Variants in POLG2 observed in about 807,000 individuals in gnomAD.
POLG2 encodes the protein DNA polymerase subunit gamma-2.
Under a neutral mutation model 56.5 loss-of-function variants are expected in POLG2, and 50 were observed. The ratio of observed to expected loss-of-function variants is 0.88; its 90% CI spans 0.71 to 1.12. The LOEUF is 1.12. Among genes scored for constraint, POLG2 ranks in the 50% most tolerant of loss-of-function variants. The pLI is 0.00. For missense variants in POLG2, 584 were observed against 583.3 expected, an observed-to-expected ratio of 1.00 and a Z score of -0.01; for synonymous variants, 226 against 222.6, an observed-to-expected ratio of 1.02 and a Z score of -0.14.
intron 4 of POLG2, among the ~76,000 whole-genome samples, chr17:64,489,104 A>T (rs1482868969): frequency 1.3e-5 from 2 of 148,604 alleles, no homozygotes; most frequent in Non-Finnish European, 3.0e-5. Flanking sequence ...TGGCTCACTG[A>T]TGATCCTGGA....
chr17:64,486,138 CCA>C (rs1172600635), intron 4 of POLG2, among the ~76,000 whole-genome samples: 1 of 152,134 alleles, frequency 6.6e-6, no homozygotes, highest in Non-Finnish European at 1.5e-5. Context: ...GGCACTGGGC[CCA>C]CGAAGACGAT....
rs181865992 is a variant in POLG2, at chr17:64,483,543, A to T, written c.1111-544T>A. Among the ~76,000 whole-genome samples the T allele has an allele frequency of 5.4e-5, 8 of 149,032 alleles. No homozygotes were observed. In the East Asian group the frequency reaches 1.4e-3, roughly 26 times the overall value. On this transcript the variant is annotated intron_variant, in intron 5 of 7. Coordinates refer to ENST00000539111, the MANE Select transcript of POLG2 (RefSeq NM_007215.4). ...AAAAAAAAAAACAAATTAACTTGAGACCCTCCCATTTTCTGACAACTCCCT... is the reference window on the plus strand; with the variant it reads ...AAAAAAAAAAACAAATTAACTTGAGTCCCTCCCATTTTCTGACAACTCCCT...
intron 6 of POLG2, among the ~76,000 whole-genome samples, chr17:64,482,278 A>G (rs2037874313): frequency 6.9e-6 from 1 of 145,232 alleles, no homozygotes; most frequent in African/African-American, 2.6e-5. Flanking sequence ...TAATTTTTGT[A>G]TTTTCAGTAG....
At chr17:64,479,757 G>A (rs1365772192) in intron 7 of POLG2, among the ~76,000 whole-genome samples, 1 of 152,146 alleles carries the variant, frequency 6.6e-6, no homozygotes, top group Non-Finnish European at 1.5e-5. Context: ...GATACATTTA[G>A]GAAGCAAGCT....
intron 6 of POLG2, among the ~76,000 whole-genome samples, chr17:64,482,446 T>C (rs1219360137): frequency 6.6e-6 from 1 of 151,902 alleles, no homozygotes; most frequent in Non-Finnish European, 1.5e-5. Flanking sequence ...CTTAGCCTCC[T>C]GAGTATCTGG....
chr17:64,485,259 T>C (rs1462608553), intron 5 of POLG2: 2 of 169,066 alleles, frequency 1.2e-5, no homozygotes, highest in African/African-American at 4.8e-5. Flanking sequence ...TCCAAGTGCA[T>C]GTTCATGCAC....
At chr17:64,487,830 C>T (rs1320072699) in intron 4 of POLG2, among the ~76,000 whole-genome samples, 1 of 151,878 alleles carries the variant, frequency 6.6e-6, no homozygotes, top group Admixed American at 6.6e-5. Context: ...GGCAAGATCC[C>T]ATCCCTATTT....
chr17:64,485,794 G>A lies in POLG2; in HGVS notation c.1044C>T (p.Ala348=), dbSNP rs782373458. The A allele has an allele frequency of 3.7e-6, 6 of 1,611,424 alleles. No homozygotes were observed. Among genetic ancestry groups the A allele is most frequent in the Non-Finnish European group, 5.1e-6 (6 of 1,177,518 alleles). The change falls in exon 5 of 8, where the codon GCC becomes GCT. Residue 348 remains alanine, a synonymous_variant. Coordinates refer to ENST00000539111, the MANE Select transcript of POLG2 (RefSeq NM_007215.4). ...TCAGCTGGAAAGAATCATAGAGGTA[G>A]GCCAGCATGCCTCGGTCTAGGTCCC... ...VNGDLDRGML[A]YLYDSFQLTE...
rs565924741 is a variant in POLG2, at chr17:64,492,968, A to G, written c.616T>C (p.Tyr206His). Residue 206 changes from tyrosine (Y) to histidine (H), a missense_variant, in exon 2 of 8, where the codon TAT becomes CAT. By Grantham distance (83) the Tyr-to-His change is moderately conservative. Coordinates refer to ENST00000539111, the MANE Select transcript of POLG2 (RefSeq NM_007215.4). The part of the protein sequence containing the change: ...CLDLVNKRLP[Y>H]GLAQIGVCFH... ...CACACTCCAATCTGAGCAAGGCCAT[A>G]AGGTAGCCTCTTGTTTACCAGATCC... is the stretch of plus-strand genomic sequence containing the variant. 1 of 1,613,952 alleles carries G rather than the reference A, an allele frequency of 6.2e-7. No individual in the cohort carries two copies. Among genetic ancestry groups the G allele is most frequent in the African/African-American group, 1.3e-5 (1 of 75,056 alleles).
At position 64,496,389 on chromosome 17, in the gene POLG2, T is replaced by C. The variant is rs782191467; in HGVS notation, c.562+18A>G. ...TCCACCCGACACCTGTTTTGAAGCA[T>C]GAAATCGTGAAGCATACCGTGAAGA... is the stretch of plus-strand genomic sequence containing the variant. On this transcript the variant is annotated intron_variant, in intron 1 of 7. Transcript: ENST00000539111. 1 of 1,526,162 alleles carries C rather than the reference T, an allele frequency of 6.6e-7. No individual in the cohort carries two copies. Among genetic ancestry groups the C allele is most frequent in the Non-Finnish European group, 8.9e-7 (1 of 1,120,174 alleles). The allele number at this position is 1,526,162 out of a possible 1,614,324, so 94.5% of individuals were successfully genotyped here. A position where few individuals can be genotyped will look rare whatever the true frequency, so the allele number is the denominator to read the frequency against.
chr17:64,490,816 C>G lies in POLG2; in HGVS notation c.949G>C (p.Gly317Arg). The G allele has an allele frequency of 1.2e-6, 2 of 1,612,676 alleles. No individual in the cohort carries two copies. Among genetic ancestry groups the G allele is most frequent in the Non-Finnish European group, 1.7e-6 (2 of 1,178,786 alleles). ...CATACATGTAATTTAGACACATTGC[C>G]AGGATACATGTGTAAAAGTTCGTGA... Reference protein sequence around the residue: ...GDHELLHMYPGNVSKLHGRDG... With the variant: ...GDHELLHMYPRNVSKLHGRDG... Residue 317 changes from glycine (G) to arginine (R), a missense_variant, in exon 4 of 8, where the codon GGC (glycine) becomes CGC (arginine). Coordinates refer to ENST00000539111, the MANE Select transcript of POLG2 (RefSeq NM_007215.4).
At chr17:64,491,279 T>G (rs2038053785) in intron 3 of POLG2, among the ~76,000 whole-genome samples, 1 of 152,092 alleles carries the variant, frequency 6.6e-6, no homozygotes. Context: ...GACCACAGGT[T>G]GCTGAAATTT....
intron 7 of POLG2, among the ~76,000 whole-genome samples, chr17:64,479,156 C>T (rs1555666047): frequency 2.0e-5 from 3 of 148,980 alleles, no homozygotes; most frequent in Non-Finnish European, 4.4e-5. Flanking sequence ...TAGAAAACTA[C>T]TTTTCTTTGG....
chr17:64,484,869 A>G (rs1230698107), intron 5 of POLG2, among the ~76,000 whole-genome samples: 4 of 152,188 alleles, frequency 2.6e-5, no homozygotes, highest in Non-Finnish European at 5.9e-5. Context: ...TGAACACTCA[A>G]CATTATTTGT....
chr17:64,482,987 G>A lies in POLG2; in HGVS notation c.1123C>T (p.His375Tyr). The change falls in exon 6 of 8, where the codon CAC becomes TAC. Residue 375 changes from histidine to tyrosine, a missense_variant. By Grantham distance (83) the His-to-Tyr change is moderately conservative. Transcript: ENST00000539111. The stretch of plus-strand genomic sequence containing the variant: ...ACCTTAATAGGGGCTAAACAAGGGT[G>A]AAGTTTAAGTACCTAAGGCAATTAA... ...KNLHRKVLKL[H>Y]PCLAPIKVAL... The A allele has an allele frequency of 6.3e-7, 1 of 1,598,902 alleles. No individual in the cohort carries two copies. The highest frequency in any genetic ancestry group is 1.1e-5 in the South Asian group (1 of 90,662).
intron 6 of POLG2, among the ~76,000 whole-genome samples, chr17:64,481,938 T>G (rs540707630): frequency 6.9e-5 from 10 of 145,614 alleles, no homozygotes; most frequent in Non-Finnish European, 1.3e-4. Context: ...TTCACTAACA[T>G]GTGTACAAAT....
rs548164642 is a variant in POLG2 at position 64,493,085 on chromosome 17, T to C, written c.563-64A>G. ...CACAAACCCAAATCATTTTTGTCAA[T>C]AGACACATTAATAGTAGTAATAACG... is the stretch of plus-strand genomic sequence containing the variant. On this transcript the variant is annotated intron_variant, in intron 1 of 7. Coordinates refer to ENST00000539111, the MANE Select transcript of POLG2 (RefSeq NM_007215.4). The C allele has an allele frequency of 3.1e-4, 474 of 1,524,528 alleles. 1 individual carries two copies. Among genetic ancestry groups the C allele is most frequent in the Middle Eastern group, 1.2e-3 (7 of 5,890 alleles). 94.4% of individuals were successfully genotyped at this position (1,524,528 alleles called of 1,614,324 possible). A position where few individuals can be genotyped will look rare whatever the true frequency, so the allele number is the denominator to read the frequency against.
At chr17:64,491,014 A>G (rs1555668391) in intron 3 of POLG2, 45 bp from the exon 4 acceptor site, 1 of 1,310,682 alleles carries the variant, frequency 7.6e-7, no homozygotes, top group Non-Finnish European at 1.1e-6. Context: ...TTAAATAAAC[A>G]CTAATTTAAC....
At chr17:64,489,657 G>A (rs769385199) in intron 4 of POLG2, among the ~76,000 whole-genome samples, 13 of 152,100 alleles carry the variant, frequency 8.5e-5, no homozygotes, top group Non-Finnish European at 1.5e-4. Context: ...CTACTTGGGA[G>A]GCTGAGGCAG....
Sources: gnomAD v4.1 joint callset for allele counts (sites outside exome capture counted in the v4.1 genomes callset) on GRCh38, gnomAD v4.1.1 for gene constraint, MANE v1.5 for transcripts, NCBI Gene and HGNC (gene_info 2026-07-23, HGNC 2026-07-21) for gene names.